The following RFNG variants were observed in gnomAD, a reference collection of about 807,000 sequenced individuals.
RFNG encodes the protein RFNG O-fucosylpeptide 3-beta-N-acetylglucosaminyltransferase.
Under a neutral mutation model 29.6 loss-of-function variants are expected in RFNG, and 37 were observed. The ratio of observed to expected loss-of-function variants is 1.25; its 90% CI spans 0.96 to 1.65. The LOEUF is 1.65. Among genes scored for constraint, RFNG ranks in the 40% most tolerant of loss-of-function variants. The pLI is 0.00. For missense variants in RFNG, 546 were observed against 457.0 expected (o/e 1.19, Z -1.78); for synonymous variants, 276 against 197.3 (o/e 1.40, Z -3.34).
chr17:82,049,350 C>T, intron 6 of RFNG: 1 of 699,460 alleles, frequency 1.4e-6, no homozygotes, highest in South Asian at 1.5e-5. Flanking sequence ...AAAGCTGACC[C>T]TCATTCCCTC....
Position 82,048,766 on chromosome 17 carries a change from C to A in RFNG, c.956G>T (p.Trp319Leu). ...IHCLLYPDTD[W>L]CPRQKQGAPT... ...GGCGCCCTGTTTCTGCCTGGGACACCAGTCCGTGTCTGGGTACAGAAGACA... is the reference window on the plus strand; with the variant it reads ...GGCGCCCTGTTTCTGCCTGGGACACAAGTCCGTGTCTGGGTACAGAAGACA... Residue 319 changes from tryptophan (W) to leucine (L), a missense_variant, in exon 8 of 8, where the codon TGG becomes TTG. Transcript: ENST00000310496. 6.2e-7 allele frequency: 1 copy of A among 1,613,312 alleles called. No homozygotes were observed. Among genetic ancestry groups the A allele is most frequent in the Non-Finnish European group, 8.5e-7 (1 of 1,179,856 alleles).
At position 82,047,955 on chromosome 17, in the gene RFNG, G is replaced by C. The variant is rs1208763795; in HGVS notation, c.*771C>G. On this transcript the variant is annotated 3_prime_UTR_variant, in exon 8 of 8. Transcript: ENST00000310496. ...CTCGGCAACAGCAAAGCAGGAGGCA[G>C]AGGGGAGATGACGGCCCCTGTCCCA... 6.6e-6 allele frequency: 1 copy of C among 152,328 alleles called. No individual in the cohort carries two copies. The highest frequency in any genetic ancestry group is 1.5e-5 in the Non-Finnish European group (1 of 68,106). 9.4% of individuals were successfully genotyped at this position (152,328 alleles called of 1,614,324 possible).
At chr17:82,050,879 G>T in intron 2 of RFNG, 115 bp from the exon 3 acceptor site, 1 of 1,415,022 alleles carries the variant, frequency 7.1e-7, no homozygotes, top group African/African-American at 1.4e-5. Flanking sequence ...TGACATGCCT[G>T]GACACCTTGC....
rs2030595829 is a variant in RFNG at position 82,051,575 on chromosome 17, G to C, written c.192C>G (p.Val64=). ...SLRPDDVFIA[V]KTTRKNHGPR... is the part of the protein sequence containing the mutation. ...GCCCGTGGTTCTTCCGGGTGGTCTT[G>C]ACGGCGATGAAGACGTCGTCAGGCC... is the stretch of plus-strand genomic sequence containing the variant. The change falls in exon 1 of 8, where the codon GTC becomes GTG. Residue 64 remains valine, a synonymous_variant. Transcript: ENST00000310496. This position sits in a 1 kb window ranked among gnomAD's most constrained non-coding sequence, Gnocchi z 4.1. 8 of 1,360,242 alleles carry C rather than the reference G, an allele frequency of 5.9e-6. No homozygotes were observed. Among genetic ancestry groups the C allele is most frequent in the Non-Finnish European group, 7.6e-6 (8 of 1,053,206 alleles). The allele number at this position is 1,360,242 out of a possible 1,614,324, so 84.3% of individuals were successfully genotyped here.
intron 6 of RFNG, chr17:82,049,448 C>T (rs56148859): frequency 0.08 from 56,802 of 711,960 alleles, 2,493 homozygotes; most frequent in Admixed American, 0.11. Context: ...CTCACTGGCC[C>T]GAGAACTGTG....
chr17:82,049,791 G>T lies in RFNG; in HGVS notation c.714C>A (p.Cys238Ter). The T allele has an allele frequency of 6.5e-7, 1 of 1,545,038 alleles. No homozygotes were observed. The highest frequency in any genetic ancestry group is 8.7e-7 in the Non-Finnish European group (1 of 1,149,130). ...GCCCCTCCACGATGTAGCCAACTGT[G>T]CAGTCATCCGGCAGCCGCACCTGCT... Reference protein sequence around the residue: ...TAEQVRLPDDCTVGYIVEGLL... With the variant: ...TAEQVRLPDD The change falls in exon 6 of 8, where the codon TGC becomes TGA. Residue 238 changes from cysteine to a stop codon, truncating the protein, a stop_gained. Transcript: ENST00000310496. LOFTEE classifies it high-confidence loss of function.
chr17:82,050,614 A>G, intron 3 of RFNG, 48 bp downstream of exon 3: 1 of 1,608,308 alleles, frequency 6.2e-7, no homozygotes, highest in Non-Finnish European at 8.5e-7. Context: ...GGAGGCCCCC[A>G]CCCAGCTTGG....
rs965046368 is a variant in RFNG, at chr17:82,049,622, G to A, written c.828+55C>T. 4.1e-6 allele frequency: 6 copies of A among 1,465,330 alleles called. No homozygotes were observed. In the Admixed American group the frequency reaches 1.0e-4, roughly 24 times the overall value. The allele number at this position is 1,465,330 out of a possible 1,614,324, so 90.8% of individuals were successfully genotyped here. A position where few individuals can be genotyped will look rare whatever the true frequency, so the allele number is the denominator to read the frequency against. ...GGCCGGGGCAGTGGGGCCCCTGGGG[G>A]AGTCAGGGCGGGGCAAAGCCCAGGT... On this transcript the variant is annotated intron_variant, in intron 6 of 7. Transcript: ENST00000310496.
At chr17:82,049,428 G>A (rs1424040248) in intron 6 of RFNG, 10 of 702,682 alleles carry the variant, frequency 1.4e-5, no homozygotes, top group East Asian at 2.7e-5. Flanking sequence ...CTGCCCAGCT[G>A]GCATGGGGCC....
In RFNG at chr17:82,051,406, G is replaced by A; in HGVS notation, c.268-64C>T. 1 of 1,404,556 alleles carries A rather than the reference G, an allele frequency of 7.1e-7. No homozygotes were observed. Among genetic ancestry groups the A allele is most frequent in the Non-Finnish European group, 9.2e-7 (1 of 1,081,504 alleles). 87.0% of individuals were successfully genotyped at this position (1,404,556 alleles called of 1,614,324 possible). A position where few individuals can be genotyped will look rare whatever the true frequency, so the allele number is the denominator to read the frequency against. On this transcript the variant is annotated intron_variant, in intron 1 of 7. Coordinates refer to ENST00000310496, the MANE Select transcript of RFNG (RefSeq NM_002917.2). The surrounding 1 kb of genome is among the most constrained non-coding windows in gnomAD (Gnocchi z 4.1). ...CCCAGGCCGGAGACCGACCCGCCCC[G>A]CGCGGAGCCTCCGGGGGCCTGGGCC...
At position 82,051,226 on chromosome 17, in the gene RFNG, C is replaced by A; in HGVS notation, c.316+68G>T. 7 of 1,312,602 alleles carry A rather than the reference C, an allele frequency of 5.3e-6. No homozygotes were observed. The highest frequency in any genetic ancestry group is 6.8e-6 in the Non-Finnish European group (7 of 1,026,900). The allele number at this position is 1,312,602 out of a possible 1,614,324, so 81.3% of individuals were successfully genotyped here. On this transcript the variant is annotated intron_variant, in intron 2 of 7. Transcript: ENST00000310496. This position sits in a 1 kb window ranked among gnomAD's most constrained non-coding sequence, Gnocchi z 4.1. ...AAGGCACCCACAGCAGCGAAGGGGC[C>A]GTGGCTTCGGAGCGAGAAAGGCTCG...
In RFNG at chr17:82,051,351, G is replaced by C; in HGVS notation, c.268-9C>G. ...TCGGTGAAGATAAACGTCTGGGGGA[G>C]AAACAATCTATGAGGCTTCTGGGGC... On this transcript the variant is annotated splice_polypyrimidine_tract_variant and intron_variant, in intron 1 of 7. Coordinates refer to ENST00000310496, the MANE Select transcript of RFNG (RefSeq NM_002917.2). The surrounding 1 kb of genome is among the most constrained non-coding windows in gnomAD (Gnocchi z 4.1). 4 of 1,467,878 alleles carry C rather than the reference G, an allele frequency of 2.7e-6. No homozygotes were observed. The highest frequency in any genetic ancestry group is 1.5e-5 in the South Asian group (1 of 64,996). The allele number at this position is 1,467,878 out of a possible 1,614,324, so 90.9% of individuals were successfully genotyped here. A position where few individuals can be genotyped will look rare whatever the true frequency, so the allele number is the denominator to read the frequency against.
chr17:82,051,580 C>A lies in RFNG; in HGVS notation c.187G>T (p.Ala63Ser). The change falls in exon 1 of 8, where the codon GCC (alanine) becomes TCC (serine). Residue 63 changes from alanine to serine, a missense_variant. Ala to Ser is a moderately conservative substitution (Grantham distance 99). Transcript: ENST00000310496. The surrounding 1 kb of genome is among the most constrained non-coding windows in gnomAD (Gnocchi z 4.1). ...PSLRPDDVFI[A>S]VKTTRKNHGP... ...TGGTTCTTCCGGGTGGTCTTGACGG[C>A]GATGAAGACGTCGTCAGGCCGCAGG... The A allele has an allele frequency of 2.2e-6, 3 of 1,340,876 alleles. No individual in the cohort carries two copies. The highest frequency in any genetic ancestry group is 3.5e-5 in the South Asian group (2 of 56,648). 83.1% of individuals were successfully genotyped at this position (1,340,876 alleles called of 1,614,324 possible).
rs1298735833 is a variant in RFNG at position 82,050,669 on chromosome 17, C to G, written c.412G>C (p.Gly138Arg). Residue 138 changes from glycine (G) to arginine (R), a missense_variant, in exon 3 of 8, where the codon GGG becomes CGG. Gly to Arg is a moderately radical substitution (Grantham distance 125, BLOSUM62 -2). Transcript: ENST00000310496. The stretch of plus-strand genomic sequence containing the variant: ...CGGGTCAGCGCCGCGTACTTGCGCC[C>G]GGACTCAATGAACTTGTCATACTCC... ...SVEYDKFIES[G>R]RKWFCHVDDD... is the part of the protein sequence containing the mutation. 1.2e-6 allele frequency: 2 copies of G among 1,612,994 alleles called. No individual in the cohort carries two copies. Among genetic ancestry groups the G allele is most frequent in the South Asian group, 2.2e-5 (2 of 91,096 alleles).
rs376651594 is a variant in RFNG at position 82,051,307 on chromosome 17, G to A, written c.303C>T (p.Leu101=). ...FIFTDGDDPE[L]ELQGGDRVIN... ...GGGGACACTCACCGCCCTGGAGCTC[G>A]AGCTCAGGGTCGTCCCCGTCGGTGA... The change falls in exon 2 of 8, where the codon CTC becomes CTT. Residue 101 remains leucine (L), a synonymous_variant. Transcript: ENST00000310496. The surrounding 1 kb of genome is among the most constrained non-coding windows in gnomAD (Gnocchi z 4.1). 1.6e-4 allele frequency: 231 copies of A among 1,427,430 alleles called. No homozygotes were observed. In the African/African-American group the frequency reaches 3.1e-3, roughly 19 times the overall value. The allele number at this position is 1,427,430 out of a possible 1,614,324, so 88.4% of individuals were successfully genotyped here. A position where few individuals can be genotyped will look rare whatever the true frequency, so the allele number is the denominator to read the frequency against.
At chr17:82,049,527 G>A (rs2030132348) in intron 6 of RFNG, 150 bp downstream of exon 6, 2 of 916,024 alleles carry the variant, frequency 2.2e-6, no homozygotes, top group Non-Finnish European at 3.4e-6. Context: ...TGTCCAACAG[G>A]CCAAGGGGCC....
chr17:82,050,191 C>T (rs2030260321), intron 4 of RFNG, 185 bp from the exon 5 acceptor site: 1 of 766,804 alleles, frequency 1.3e-6, no homozygotes, highest in African/African-American at 1.8e-5. Flanking sequence ...TCCAGACCCT[C>T]CCCACCTGGC....
chr17:82,051,054 G>A lies in RFNG; in HGVS notation c.316+240C>T, dbSNP rs778458271. ...ATTCCCTGCTGGCGCTTCTTCAGGG[G>A]ACGTGGCACTAGCCCCACGCCCCGG... On this transcript the variant is annotated intron_variant, in intron 2 of 7. Coordinates refer to ENST00000310496, the MANE Select transcript of RFNG (RefSeq NM_002917.2). The surrounding 1 kb of genome is among the most constrained non-coding windows in gnomAD (Gnocchi z 4.1). 1.6e-5 allele frequency: 22 copies of A among 1,387,230 alleles called. No individual in the cohort carries two copies. Among genetic ancestry groups the A allele is most frequent in the South Asian group, 3.5e-5 (2 of 57,348 alleles). 85.9% of individuals were successfully genotyped at this position (1,387,230 alleles called of 1,614,324 possible). A position where few individuals can be genotyped will look rare whatever the true frequency, so the allele number is the denominator to read the frequency against.
At position 82,048,599 on chromosome 17, in the gene RFNG, G is replaced by A. The variant is rs1420760662; in HGVS notation, c.*127C>T. 3 of 749,300 alleles carry A rather than the reference G, an allele frequency of 4.0e-6. No individual in the cohort carries two copies. In the East Asian group the frequency reaches 7.4e-5, roughly 19 times the overall value. 46.4% of individuals were successfully genotyped at this position (749,300 alleles called of 1,614,324 possible). On this transcript the variant is annotated 3_prime_UTR_variant, in exon 8 of 8. Transcript: ENST00000310496. Reference sequence around the variant, plus strand: ...GGGGGGGCTGCAGGCTAGCCAGAGGGTCTGCCAGGTGCCTGCATCTCACTG... The same window carrying A: ...GGGGGGGCTGCAGGCTAGCCAGAGGATCTGCCAGGTGCCTGCATCTCACTG...
Sources: allele counts gnomAD v4.1 joint callset, GRCh38; gene constraint gnomAD v4.1.1; non-coding constraint Gnocchi (gnomAD v3.1); transcripts MANE v1.5; gene names NCBI Gene and HGNC (gene_info 2026-07-23, HGNC 2026-07-21).